DYNC2H1: variants seen among roughly 807,000 people sequenced by gnomAD.
DYNC2H1 encodes the protein cytoplasmic dynein 2 heavy chain 1.
DYNC2H1 carries 410 observed loss-of-function variants against 570.0 expected under a neutral mutation model. The ratio of observed to expected loss-of-function variants is 0.72; its 90% confidence interval spans 0.66 to 0.78. The LOEUF is 0.78. Among genes scored for constraint, DYNC2H1 ranks in the 30% least tolerant of loss-of-function variants. DYNC2H1 has a pLI of 0.00. For missense variants in DYNC2H1, 4,865 were observed against 5,046.4 expected (o/e 0.96, Z 1.09); for synonymous variants, 1,688 against 1,677.6 (o/e 1.01, Z -0.15).
chr11:103,314,576 A>G (rs980383078), intron 79 of DYNC2H1, among the ~76,000 whole-genome samples: 10 of 152,064 alleles, frequency 6.6e-5, no homozygotes, highest in African/African-American at 2.2e-4. Context: ...CAAAGAATAT[A>G]TGTATTTTTA....
chr11:103,120,013 T>TA (rs1412482683), intron 6 of DYNC2H1, among the ~76,000 whole-genome samples: 1 of 152,138 alleles, frequency 6.6e-6, no homozygotes, highest in Non-Finnish European at 1.5e-5. Context: ...TTGTAAATAA[T>TA]AAAAAATAGG....
intron 82 of DYNC2H1, among the ~76,000 whole-genome samples, chr11:103,353,793 C>G (rs1191577504): frequency 3.3e-5 from 5 of 151,900 alleles, no homozygotes; most frequent in Non-Finnish European, 7.4e-5. Context: ...ATATTTTTAG[C>G]TGTTGTTTTT....
chr11:103,146,374 A>G, intron 18 of DYNC2H1, among the ~76,000 whole-genome samples: 1 of 152,190 alleles, frequency 6.6e-6, no homozygotes, highest in East Asian at 1.9e-4. Flanking sequence ...CTGAGTCTGG[A>G]TCAGCTTCTC....
chr11:103,135,845 T>G lies in DYNC2H1; in HGVS notation c.2471T>G (p.Ile824Ser). 6.2e-7 allele frequency: 1 copy of G among 1,613,192 alleles called. No homozygotes were observed. Among genetic ancestry groups the G allele is most frequent in the Non-Finnish European group, 8.5e-7 (1 of 1,179,564 alleles). ...KGVGEAGDES[I>S]FSIMIDRNAS... ...GTGGGTGAGGCAGGAGATGAATCTATTTTTTCTATTATGATTGATAGAAAT... is the reference window on the plus strand; with the variant it reads ...GTGGGTGAGGCAGGAGATGAATCTAGTTTTTCTATTATGATTGATAGAAAT... Residue 824 changes from isoleucine (I) to serine (S), a missense_variant, in exon 17 of 89, where the codon ATT becomes AGT. Around this residue, in one of 5 missense-constraint regions of DYNC2H1, gnomAD observed 1,936 missense variants for 1,962.1 expected, o/e 0.99. Coordinates refer to ENST00000375735, the MANE Select transcript of DYNC2H1 (RefSeq NM_001377.3).
intron 84 of DYNC2H1, among the ~76,000 whole-genome samples, chr11:103,421,965 A>G (rs1480399272): frequency 1.3e-5 from 2 of 152,072 alleles, no homozygotes; most frequent in Non-Finnish European, 2.9e-5. Flanking sequence ...AGAAGAAAAG[A>G]GAGAAGAATC....
At chr11:103,265,552 A>G (rs911797214) in intron 70 of DYNC2H1, among the ~76,000 whole-genome samples, 4 of 152,144 alleles carry the variant, frequency 2.6e-5, no homozygotes, top group Admixed American at 6.5e-5. Context: ...CAGTCCCTGC[A>G]TTGTTTTATC....
At chr11:103,192,601 A>C (rs1287355123) in intron 47 of DYNC2H1, among the ~76,000 whole-genome samples, 1 of 152,182 alleles carries the variant, frequency 6.6e-6, no homozygotes, top group Non-Finnish European at 1.5e-5. Flanking sequence ...TTTGATTGTC[A>C]TGACCTTTTG....
At chr11:103,464,886 A>C (rs2135837319) in intron 87 of DYNC2H1, among the ~76,000 whole-genome samples, 1 of 152,324 alleles carries the variant, frequency 6.6e-6, no homozygotes, top group Non-Finnish European at 1.5e-5. Context: ...AAATTAACAA[A>C]ATAATTTTAG....
chr11:103,345,691 T>C (rs1939707733), intron 82 of DYNC2H1, among the ~76,000 whole-genome samples: 1 of 152,034 alleles, frequency 6.6e-6, no homozygotes, highest in Non-Finnish European at 1.5e-5. Context: ...GACATGAGGA[T>C]GGGAGGTAGC....
chr11:103,210,386 A>G (rs1863106563), intron 53 of DYNC2H1, among the ~76,000 whole-genome samples: 1 of 151,948 alleles, frequency 6.6e-6, no homozygotes, highest in Non-Finnish European at 1.5e-5. Context: ...TAATATTCTC[A>G]TTATTTTCTC....
chr11:103,336,952 A>AC (rs1320160791), intron 82 of DYNC2H1, among the ~76,000 whole-genome samples: 1 of 152,098 alleles, frequency 6.6e-6, no homozygotes, highest in Non-Finnish European at 1.5e-5. Flanking sequence ...TGGCCCCAAA[A>AC]CTGGTCATAA....
chr11:103,248,369 G>A (rs1864703287), intron 65 of DYNC2H1, among the ~76,000 whole-genome samples: 1 of 151,980 alleles, frequency 6.6e-6, no homozygotes, highest in Admixed American at 6.6e-5. Context: ...ATCTAACTCA[G>A]TTGATAATAT....
chr11:103,301,351 G>C (rs150792219), intron 75 of DYNC2H1, among the ~76,000 whole-genome samples: 1 of 151,912 alleles, frequency 6.6e-6, no homozygotes, highest in East Asian at 1.9e-4. Context: ...TTTAATTACT[G>C]ATCAAGGCCA....
intron 4 of DYNC2H1, among the ~76,000 whole-genome samples, chr11:103,116,362 A>G (rs1457726516): frequency 6.6e-6 from 1 of 152,090 alleles, no homozygotes; most frequent in Non-Finnish European, 1.5e-5. Flanking sequence ...CAATTTTTAT[A>G]TATTCTTTCT....
chr11:103,359,751 G>A lies in DYNC2H1; in HGVS notation c.12156+1392G>A, dbSNP rs562109367. 7.4e-5 allele frequency among the ~76,000 whole-genome samples: 11 copies of A among 148,084 alleles called. No homozygotes were observed. The South Asian group carries it at 1.9e-3, about 26-fold the overall frequency. ...ATGATCTCGGCTCACTGCAGCCTCC[G>A]CCTCCCGGGTTCAAGTGATTCTCCT... On this transcript the variant is annotated intron_variant, in intron 83 of 88. Transcript: ENST00000375735.
At chr11:103,411,182 A>G (rs1943071914) in intron 84 of DYNC2H1, among the ~76,000 whole-genome samples, 1 of 152,184 alleles carries the variant, frequency 6.6e-6, no homozygotes, top group Non-Finnish European at 1.5e-5. Flanking sequence ...ATAAGTAAGT[A>G]TAAACCGTCA....
intron 22 of DYNC2H1, 145 bp downstream of exon 22, chr11:103,153,653 T>C (rs1860676619): frequency 7.6e-6 from 6 of 792,344 alleles, no homozygotes; most frequent in Non-Finnish European, 1.2e-5. Context: ...AGCATTCATA[T>C]ACTGTTGTCT....
intron 47 of DYNC2H1, among the ~76,000 whole-genome samples, chr11:103,197,506 G>A (rs571469548): frequency 1.4e-3 from 214 of 152,150 alleles, no homozygotes; most frequent in Non-Finnish European, 2.5e-3. Flanking sequence ...GGAGTGCGGT[G>A]GTGCAATCAT....
At position 103,120,733 on chromosome 11, in the gene DYNC2H1, AC is replaced by A; in HGVS notation, c.1181del (p.Pro394LeufsTer6). On this transcript the variant is annotated frameshift_variant, in exon 8 of 89. Transcript: ENST00000375735. LOFTEE classifies it high-confidence loss of function. ...TGTCTCAATATGAAAAGATTATTGC[AC>A]CTGCGGAACAAAAAATAGCAGGAAA... is the stretch of plus-strand genomic sequence containing the variant. The part of the protein sequence containing the change: ...AVSQYEKIIA[P>X]AEQKIAGKLK... 1 of 1,608,028 alleles carries A rather than the reference AC, an allele frequency of 6.2e-7. No homozygotes were observed. Among genetic ancestry groups the A allele is most frequent in the Non-Finnish European group, 8.5e-7 (1 of 1,176,674 alleles).
Sources: gnomAD v4.1 joint callset for allele counts (sites outside exome capture counted in the v4.1 genomes callset) on GRCh38, gnomAD v4.1.1 for gene constraint, gnomAD v4.1.1 regional missense constraint, MANE v1.5 for transcripts, NCBI Gene and HGNC (gene_info 2026-07-23, HGNC 2026-07-21) for gene names.